Variants in NECTIN3 observed in about 807,000 individuals in gnomAD.
The protein encoded by NECTIN3 is nectin cell adhesion molecule 3, also known as nectin-3.
A neutral mutation model predicts 49.4 loss-of-function variants in NECTIN3; 8 were observed. The ratio of observed to expected loss-of-function variants is 0.16; its 90% confidence interval spans 0.10 to 0.29. The LOEUF (loss-of-function observed/expected upper bound fraction) is 0.29. Among genes scored for constraint, NECTIN3 ranks in the 10% least tolerant of loss-of-function variants. The pLI, the probability that NECTIN3 is intolerant of heterozygous loss-of-function variation, is 1.00. For synonymous variants in NECTIN3, 277 were observed against 241.1 expected, an observed-to-expected ratio of 1.15 and a Z score of -1.38; for missense variants, 581 against 654.6, an observed-to-expected ratio of 0.89 and a Z score of 1.23.
At chr3:111,179,338 G>A (rs2035587291) in intron 7 of NECTIN3, among the ~76,000 whole-genome samples, 2 of 152,076 alleles carry the variant, frequency 1.3e-5, no homozygotes, top group Non-Finnish European at 2.9e-5. Context: ...AGTCCAGCTG[G>A]CACAGGTTTC....
chr3:111,112,862 T>C (rs929582358), intron 2 of NECTIN3, among the ~76,000 whole-genome samples: 6 of 152,218 alleles, frequency 3.9e-5, no homozygotes, highest in African/African-American at 1.4e-4. Context: ...ATAATAGTGA[T>C]ATTCCACTAT....
intron 1 of NECTIN3, chr3:111,072,702 C>G (rs1162458580): frequency 1.0e-6 from 1 of 953,822 alleles, no homozygotes. Context: ...TAGTTTTCTT[C>G]TGTCTTGTGC....
intron 7 of NECTIN3, among the ~76,000 whole-genome samples, chr3:111,162,617 A>G (rs2035236157): frequency 6.6e-6 from 1 of 152,198 alleles, no homozygotes; most frequent in Admixed American, 6.5e-5. Context: ...CAAACTGCCT[A>G]GAAGTCTCAG....
rs962406107 is a variant in NECTIN3, at chr3:111,134,989, T to A, written c.*774T>A. 3 of 974,748 alleles carry A rather than the reference T, an allele frequency of 3.1e-6. No homozygotes were observed. The highest frequency in any genetic ancestry group is 3.7e-6 in the Non-Finnish European group (3 of 820,434). 60.4% of individuals were successfully genotyped at this position (974,748 alleles called of 1,614,324 possible). A position where few individuals can be genotyped will look rare whatever the true frequency, so the allele number is the denominator to read the frequency against. On this transcript the variant is annotated 3_prime_UTR_variant, in exon 6 of 6. Coordinates refer to ENST00000485303, the MANE Select transcript of NECTIN3 (RefSeq NM_015480.3). ...GATAATTATTAGTTTTTTTTTTTCC[T>A]TTCTGGAACATGGATTTTGGTACAT...
intron 7 of NECTIN3, among the ~76,000 whole-genome samples, chr3:111,155,672 G>T (rs1043033102): frequency 6.6e-6 from 1 of 152,138 alleles, no homozygotes. Flanking sequence ...TGGCCATTTA[G>T]TGTTGATTTT....
intron 6 of NECTIN3, among the ~76,000 whole-genome samples, chr3:111,146,954 T>C (rs1168963403): frequency 6.6e-6 from 1 of 152,164 alleles, no homozygotes; most frequent in Non-Finnish European, 1.5e-5. Flanking sequence ...GTTGAAAATA[T>C]AATTGGTGAA....
At chr3:111,086,906 T>C (rs1245390987) in intron 1 of NECTIN3, among the ~76,000 whole-genome samples, 2 of 152,138 alleles carry the variant, frequency 1.3e-5, no homozygotes, top group East Asian at 3.8e-4. Context: ...AATCTTCTGG[T>C]TTGTTCTGTG....
At chr3:111,098,186 A>C (rs1328709157) in intron 1 of NECTIN3, among the ~76,000 whole-genome samples, 1 of 152,240 alleles carries the variant, frequency 6.6e-6, no homozygotes, top group Non-Finnish European at 1.5e-5. Context: ...ACCTTTGAGC[A>C]GTGTGCAAGT....
intron 1 of NECTIN3, among the ~76,000 whole-genome samples, chr3:111,088,502 A>C (rs988193224): frequency 2.6e-5 from 4 of 152,186 alleles, no homozygotes; most frequent in African/African-American, 9.6e-5. Flanking sequence ...TATCGTGACT[A>C]GGTACTTAAT....
intron 1 of NECTIN3, among the ~76,000 whole-genome samples, chr3:111,100,770 G>A (rs900703184): frequency 4.1e-5 from 6 of 147,074 alleles, no homozygotes; most frequent in East Asian, 1.9e-4. Flanking sequence ...TTTTAAAATT[G>A]CAACAGTTTC....
intron 7 of NECTIN3, among the ~76,000 whole-genome samples, chr3:111,169,234 C>A (rs1190619031): frequency 6.6e-6 from 1 of 151,410 alleles, no homozygotes; most frequent in Non-Finnish European, 1.5e-5. Context: ...GGACTACAGG[C>A]GCCTGCCACC....
intron 1 of NECTIN3, among the ~76,000 whole-genome samples, chr3:111,080,338 A>ATAAAT (rs1255758911): frequency 5.2e-4 from 79 of 152,272 alleles, no homozygotes; most frequent in African/African-American, 1.8e-3. Flanking sequence ...TATAGTTAAT[A>ATAAAT]GTAAAAATGT....
downstream of NECTIN3, among the ~76,000 whole-genome samples, chr3:111,140,040 GTGAT>G (rs2034702884): frequency 6.6e-6 from 1 of 151,740 alleles, no homozygotes; most frequent in Non-Finnish European, 1.5e-5. Flanking sequence ...TTCTGATTCA[GTGAT>G]TGAAAGGTCT....
intron 7 of NECTIN3, among the ~76,000 whole-genome samples, chr3:111,150,519 A>T (rs1013465068): frequency 3.3e-5 from 5 of 151,970 alleles, no homozygotes; most frequent in African/African-American, 1.2e-4. Flanking sequence ...AATGTAATAT[A>T]TGCATAAAGT....
intron 7 of NECTIN3, among the ~76,000 whole-genome samples, chr3:111,171,975 G>C (rs2035441721): frequency 6.6e-6 from 1 of 152,092 alleles, no homozygotes; most frequent in Admixed American, 6.5e-5. Flanking sequence ...TTCTTGTTTT[G>C]AACGATATGC....
chr3:111,097,156 A>T (rs2032635611), intron 1 of NECTIN3, among the ~76,000 whole-genome samples: 1 of 152,178 alleles, frequency 6.6e-6, no homozygotes, highest in African/African-American at 2.4e-5. Context: ...TATCAGCGTG[A>T]CCTGGATGTG....
upstream of NECTIN3, among the ~76,000 whole-genome samples, chr3:111,188,129 G>A (rs1364693148): frequency 2.6e-5 from 4 of 152,188 alleles, no homozygotes; most frequent in Non-Finnish European, 4.4e-5. Context: ...AGAGACGCTA[G>A]TTTATGCAAC....
At chr3:111,122,000 G>A in intron 3 of NECTIN3, 121 bp from the exon 4 acceptor site, 1 of 666,748 alleles carries the variant, frequency 1.5e-6, no homozygotes, top group Non-Finnish European at 2.6e-6. Flanking sequence ...TACATGTTGA[G>A]ACTAAGGAAA....
chr3:111,178,851 T>G (rs1028904071), intron 7 of NECTIN3, among the ~76,000 whole-genome samples: 7 of 152,240 alleles, frequency 4.6e-5, no homozygotes, highest in African/African-American at 7.2e-5. Flanking sequence ...GAATCTTAGC[T>G]CTACATACTT....
Sources: allele counts gnomAD v4.1 joint callset (sites outside exome capture counted in the v4.1 genomes callset), GRCh38; gene constraint gnomAD v4.1.1; transcripts MANE v1.5; gene names NCBI Gene and HGNC (gene_info 2026-07-23, HGNC 2026-07-21).